Variants in CNOT1 observed in about 807,000 individuals in gnomAD.
The protein encoded by CNOT1 is CCR4-NOT transcription complex subunit 1.
CNOT1 carries 15 observed loss-of-function variants against 273.8 expected under a neutral mutation model. The observed-to-expected ratio is 0.05, with a 90% confidence interval of 0.04 to 0.08. CNOT1 has a LOEUF of 0.08. CNOT1 is among the 10% of genes least tolerant of loss of function. CNOT1 has a pLI of 1.00. For missense variants in CNOT1, 1,644 were observed against 2,912.2 expected (o/e 0.56, Z 10.02); for synonymous variants, 1,022 against 1,005.5 (o/e 1.02, Z -0.31).
intron 16 of CNOT1, among the ~76,000 whole-genome samples, chr16:58,572,717 G>A (rs573801781): frequency 2.0e-4 from 30 of 152,064 alleles, no homozygotes; most frequent in Admixed American, 1.7e-3. Flanking sequence ...AGACCAGCCT[G>A]CCCAACATGG....
Position 58,563,047 on chromosome 16 carries a change from T to A in CNOT1, c.1980-2685A>T, listed in dbSNP as rs569041853. Among the ~76,000 whole-genome samples, 6 of 152,312 alleles carry A rather than the reference T, an allele frequency of 3.9e-5. No homozygotes were observed. The South Asian group carries it at 1.2e-3, about 32-fold the overall frequency. ...AAAAATCTATGAAAATTTGTACTTG[T>A]GCCAATAGCAAAATAACAATAGTCT... On this transcript the variant is annotated intron_variant, in intron 16 of 48. Transcript: ENST00000317147.
intron 44 of CNOT1, among the ~76,000 whole-genome samples, chr16:58,526,511 TAAAAAA>T (rs57367601): frequency 8.7e-5 from 7 of 80,816 alleles, no homozygotes; most frequent in African/African-American, 3.2e-4. Context: ...ACTTACTCCT[TAAAAAA>T]AAAAAAAAAA....
chr16:58,618,391 G>A (rs1195422566), intron 1 of CNOT1, among the ~76,000 whole-genome samples: 1 of 152,086 alleles, frequency 6.6e-6, no homozygotes, highest in African/African-American at 2.4e-5. Flanking sequence ...AGACCAGCCT[G>A]GCCAACATGG....
chr16:58,592,528 T>C (rs960028194), intron 2 of CNOT1, among the ~76,000 whole-genome samples: 6 of 152,102 alleles, frequency 3.9e-5, no homozygotes, highest in African/African-American at 1.2e-4. Flanking sequence ...CAGCGTGCCA[T>C]GAATGTGTCT....
chr16:58,526,505 AC>A (rs2039585246), intron 44 of CNOT1, among the ~76,000 whole-genome samples: 1 of 111,954 alleles, frequency 8.9e-6, no homozygotes, highest in Admixed American at 1.0e-4. Flanking sequence ...CATCACACTT[AC>A]TCCTTAAAAA....
chr16:58,595,420 CAAAAAAAA>C (rs57122392), intron 2 of CNOT1, among the ~76,000 whole-genome samples: 1 of 102,938 alleles, frequency 9.7e-6, no homozygotes. Flanking sequence ...TTTTCCATCT[CAAAAAAAA>C]AAAAAAAAAA....
rs564502455 is a variant in CNOT1, at chr16:58,555,156, C to A, written c.2891+95G>T. On this transcript the variant is annotated intron_variant, in intron 21 of 48. Transcript: ENST00000317147. ...CCGCAAGGTCAAGGCTGCAGTGAGC[C>A]GAGATTGCGCCACTGCACTCCAGCC... is the stretch of plus-strand genomic sequence containing the variant. The A allele has an allele frequency of 2.0e-5, 30 of 1,523,552 alleles. No individual in the cohort carries two copies. In the South Asian group the frequency reaches 3.4e-4, roughly 17 times the overall value. 94.4% of individuals were successfully genotyped at this position (1,523,552 alleles called of 1,614,324 possible). A position where few individuals can be genotyped will look rare whatever the true frequency, so the allele number is the denominator to read the frequency against.
At chr16:58,528,363 A>G in intron 44 of CNOT1, 112 bp downstream of exon 44, 1 of 773,642 alleles carries the variant, frequency 1.3e-6, no homozygotes, top group Non-Finnish European at 2.3e-6. Context: ...GAGTACCCTT[A>G]ACTAATAGTG....
chr16:58,547,485 T>C lies in CNOT1; in HGVS notation c.3639+81A>G. 6.5e-7 allele frequency: 1 copy of C among 1,533,972 alleles called. No individual in the cohort carries two copies. Among genetic ancestry groups the C allele is most frequent in the Non-Finnish European group, 8.8e-7 (1 of 1,139,524 alleles). ...AAATCTTACAAAACCCCAATAATCA[T>C]TAAATAGCTCCAAACAGCCAATACT... On this transcript the variant is annotated intron_variant, in intron 26 of 48. Transcript: ENST00000317147. This position sits in a 1 kb window ranked among gnomAD's most constrained non-coding sequence, Gnocchi z 4.0.
intron 16 of CNOT1, among the ~76,000 whole-genome samples, chr16:58,566,646 T>C (rs1332996083): frequency 1.3e-5 from 2 of 152,206 alleles, no homozygotes; most frequent in Non-Finnish European, 2.9e-5. Context: ...CACTGTGGAA[T>C]GTTTAGCCAG....
chr16:58,538,446 A>C (rs1316325972), intron 36 of CNOT1, among the ~76,000 whole-genome samples, 180 bp from the exon 37 acceptor site: 1 of 152,196 alleles, frequency 6.6e-6, no homozygotes, highest in Non-Finnish European at 1.5e-5. Context: ...TTCCTTTCAA[A>C]TCCTAGGATA....
intron 44 of CNOT1, chr16:58,527,803 C>G (rs1343314515): frequency 5.3e-6 from 1 of 188,976 alleles, no homozygotes; most frequent in Non-Finnish European, 1.1e-5. Flanking sequence ...CACAAGTGCA[C>G]AGACACAAAA....
chr16:58,581,574 T>C, intron 10 of CNOT1, 59 bp from the exon 11 acceptor site: 2 of 1,475,488 alleles, frequency 1.4e-6, no homozygotes, highest in South Asian at 3.0e-5. Flanking sequence ...TGATACATTA[T>C]CCAAAAGGCC....
At chr16:58,607,471 C>T (rs8061326) in intron 1 of CNOT1, among the ~76,000 whole-genome samples, 114,290 of 151,900 alleles carry the variant, frequency 0.75, 43,418 homozygotes, top group Middle Eastern at 0.86. Flanking sequence ...GCCACGGCTG[C>T]AATCCCAGCA....
intron 12 of CNOT1, 48 bp downstream of exon 12, chr16:58,580,584 AC>A: frequency 6.3e-7 from 1 of 1,580,036 alleles, no homozygotes; most frequent in Non-Finnish European, 8.6e-7. Context: ...TTTATATTTC[AC>A]AAAATAAGAA....
intron 13 of CNOT1, among the ~76,000 whole-genome samples, chr16:58,577,898 C>T (rs1165748278): frequency 6.7e-6 from 1 of 150,210 alleles, no homozygotes; most frequent in East Asian, 1.9e-4. Flanking sequence ...CAAAAGAATA[C>T]TTACTTGCCA....
At chr16:58,554,637 T>TA (rs918476900) in intron 21 of CNOT1, among the ~76,000 whole-genome samples, 4 of 152,016 alleles carry the variant, frequency 2.6e-5, no homozygotes, top group Non-Finnish European at 4.4e-5. Context: ...CCACTTATAT[T>TA]AAAAAAGAGA....
Position 58,581,416 on chromosome 16 carries a change from G to C in CNOT1, c.1144C>G (p.Gln382Glu). Residue 382 changes from glutamine to glutamate, a missense_variant, in exon 11 of 49, where the codon CAG (glutamine) becomes GAG (glutamate). Gln to Glu is a conservative substitution (Grantham distance 29). Around this residue, in one of 13 missense-constraint regions of CNOT1, gnomAD observed 706 missense variants for 1,021.2 expected, o/e 0.69. Transcript: ENST00000317147. The stretch of plus-strand genomic sequence containing the variant: ...AACACTTCCATACCCAAACCCCTCT[G>C]AATGCCATAAACCACATTATGAAGT... ...KGLHNVVYGI[Q>E]RGLGMEVFPV... The C allele has an allele frequency of 6.2e-7, 1 of 1,614,042 alleles. No individual in the cohort carries two copies. Among genetic ancestry groups the C allele is most frequent in the Non-Finnish European group, 8.5e-7 (1 of 1,179,996 alleles).
At chr16:58,583,260 C>T in intron 8 of CNOT1, 78 bp from the exon 9 acceptor site, 1 of 1,576,426 alleles carries the variant, frequency 6.3e-7, no homozygotes, top group Non-Finnish European at 8.6e-7. Context: ...TTAAATGAAC[C>T]TTGTTTGAAA....
Sources: allele counts gnomAD v4.1 joint callset (sites outside exome capture counted in the v4.1 genomes callset), GRCh38; gene constraint gnomAD v4.1.1; regional missense constraint gnomAD v4.1.1; non-coding constraint Gnocchi (gnomAD v3.1); transcripts MANE v1.5; gene names NCBI Gene and HGNC (gene_info 2026-07-23, HGNC 2026-07-21).